DMBT1: variants seen among roughly 807,000 people sequenced by gnomAD.
The protein encoded by DMBT1 is scavenger receptor cysteine-rich domain-containing protein DMBT1.
In DMBT1, 198 loss-of-function variants were observed where a neutral mutation model predicts 252.9. The ratio of observed to expected loss-of-function variants is 0.78; its 90% CI spans 0.70 to 0.88. DMBT1 has a LOEUF of 0.88. Among genes scored for constraint, DMBT1 ranks in the 40% least tolerant of loss-of-function variants. The pLI is 0.00. For synonymous variants in DMBT1, 990 were observed against 942.7 expected (o/e 1.05, Z -0.92); for missense variants, 2,432 against 2,404.7 (o/e 1.01, Z -0.24).
At chr10:122,625,198 G>C (rs1270464903) in intron 44 of DMBT1, 79 bp from the exon 45 acceptor site, 29 of 1,379,770 alleles carry the variant, frequency 2.1e-5, no homozygotes, top group African/African-American at 2.8e-5. Flanking sequence ...GTGATGAGAT[G>C]GGGACAGGCA....
intron 54 of DMBT1, among the ~76,000 whole-genome samples, chr10:122,638,390 A>G (rs941982669): frequency 6.6e-5 from 10 of 152,224 alleles, no homozygotes; most frequent in African/African-American, 2.4e-4. Context: ...GCTGATCATG[A>G]ATAGCACACG....
chr10:122,643,170 C>A lies in DMBT1; in HGVS notation c.7401C>A (p.Arg2467=), dbSNP rs762314712. 8 of 1,613,878 alleles carry A rather than the reference C, an allele frequency of 5.0e-6. No homozygotes were observed. Among genetic ancestry groups the A allele is most frequent in the Non-Finnish European group, 6.8e-6 (8 of 1,179,894 alleles). ...GACCCTACTCCTCGCCATCTCTTCG[C>A]ATTGCCCGCTTCCGGTTCAGGGCCT... ...TYGPYSSPSL[R]IARFRFRAFH... is the part of the protein sequence containing the mutation. Residue 2467 remains arginine, a synonymous_variant, in exon 56 of 56, where the codon CGC becomes CGA. Coordinates refer to ENST00000338354, the MANE Select transcript of DMBT1 (RefSeq NM_001377530.1).
At chr10:122,636,325 T>G in intron 53 of DMBT1, 126 bp downstream of exon 53, 1 of 899,476 alleles carries the variant, frequency 1.1e-6, no homozygotes, top group South Asian at 1.7e-5. Context: ...GGCTTGATTT[T>G]CAGCTGAAAG....
chr10:122,571,123 C>A (rs3824678), intron 4 of DMBT1, among the ~76,000 whole-genome samples, 186 bp downstream of exon 4: 1 of 152,232 alleles, frequency 6.6e-6, no homozygotes, highest in Non-Finnish European at 1.5e-5. Context: ...CACATGAGCA[C>A]GTGTTTGTAC....
intron 25 of DMBT1, 46 bp from the exon 26 acceptor site, chr10:122,598,728 G>C (rs770381186): frequency 1.2e-6 from 2 of 1,611,944 alleles, no homozygotes; most frequent in South Asian, 2.2e-5. Flanking sequence ...TTAGATTCCT[G>C]ACCTCATGAT....
chr10:122,573,022 G>A (rs1473057295), intron 5 of DMBT1, among the ~76,000 whole-genome samples: 2 of 152,200 alleles, frequency 1.3e-5, no homozygotes, highest in South Asian at 2.1e-4. Context: ...GCCAGGATGT[G>A]TGCAGACACC....
In DMBT1 at chr10:122,625,393, C is replaced by T; in HGVS notation, c.5635+90C>T. The T allele has an allele frequency of 2.4e-6, 3 of 1,272,206 alleles. No individual in the cohort carries two copies. The South Asian group carries it at 3.8e-5, about 16-fold the overall frequency. The allele number at this position is 1,272,206 out of a possible 1,614,324, so 78.8% of individuals were successfully genotyped here. A position where few individuals can be genotyped will look rare whatever the true frequency, so the allele number is the denominator to read the frequency against. ...GAAGTAGGAGGAGTAGGGTAGACTC[C>T]CCCTGGGGGGGTAATTTCTCTCTGA... On this transcript the variant is annotated intron_variant, in intron 45 of 55. Coordinates refer to ENST00000338354, the MANE Select transcript of DMBT1 (RefSeq NM_001377530.1).
In DMBT1 at chr10:122,598,823, T is replaced by A; in HGVS notation, c.3006T>A (p.Cys1002Ter). 6.2e-7 allele frequency: 1 copy of A among 1,613,542 alleles called. No individual in the cohort carries two copies. The change falls in exon 26 of 56, where the codon TGT becomes TGA. Residue 1002 changes from cysteine (C) to a stop codon, truncating the protein, a stop_gained. Coordinates refer to ENST00000338354, the MANE Select transcript of DMBT1 (RefSeq NM_001377530.1). LOFTEE classifies it high-confidence loss of function. ...ALRLVNGGDR[C>*]QGRVEVLYQG... ...GGCTGGTGAATGGAGGTGACAGGTG[T>A]CAGGGCCGAGTGGAGGTCCTATACC...
chr10:122,624,272 G>A (rs1465083974), intron 44 of DMBT1, among the ~76,000 whole-genome samples: 1 of 152,182 alleles, frequency 6.6e-6, no homozygotes, highest in East Asian at 1.9e-4. Flanking sequence ...CACTTGAATT[G>A]CTGGTCACTG....
chr10:122,625,649 A>G (rs2098113466), intron 45 of DMBT1, among the ~76,000 whole-genome samples: 1 of 152,238 alleles, frequency 6.6e-6, no homozygotes, highest in Non-Finnish European at 1.5e-5. Flanking sequence ...AAACATAGCC[A>G]AGTAATACTT....
intron 4 of DMBT1, among the ~76,000 whole-genome samples, chr10:122,571,976 G>A (rs1313663602): frequency 6.6e-6 from 1 of 152,228 alleles, no homozygotes; most frequent in African/African-American, 2.4e-5. Context: ...TCATTTGAGG[G>A]TGTGTTTGAG....
Position 122,618,128 on chromosome 10 carries a change from A to C in DMBT1, c.5003A>C (p.Asp1668Ala). Residue 1668 changes from aspartate to alanine, a missense_variant, in exon 41 of 56, where the codon GAC (aspartate) becomes GCC (alanine). Around this residue, in one of 3 missense-constraint regions of DMBT1, gnomAD observed 1,162 missense variants for 1,169.0 expected, o/e 0.99. Transcript: ENST00000338354. The stretch of plus-strand genomic sequence containing the variant: ...GGCACCGTGTGTGATGACTACTGGG[A>C]CACCAATGATGCCAACGTGGTCTGC... ...SWGTVCDDYW[D>A]TNDANVVCRQ... The C allele has an allele frequency of 6.2e-7, 1 of 1,613,910 alleles. No individual in the cohort carries two copies. The highest frequency in any genetic ancestry group is 8.5e-7 in the Non-Finnish European group (1 of 1,179,874).
rs1435275694 is a variant in DMBT1 at position 122,636,042 on chromosome 10, C to T, written c.6600C>T (p.Tyr2200=). ...ATATTGAAGTTTTCGATGGCCCCTA[C>T]CGCAGTTCCCCTCTCATTGCTCGAG... ...YDYIEVFDGP[Y]RSSPLIARVC... The change falls in exon 53 of 56, where the codon TAC becomes TAT. Residue 2200 remains tyrosine, a synonymous_variant. Coordinates refer to ENST00000338354, the MANE Select transcript of DMBT1 (RefSeq NM_001377530.1). 3 of 1,613,894 alleles carry T rather than the reference C, an allele frequency of 1.9e-6. No homozygotes were observed. The East Asian group carries it at 6.7e-5, about 36-fold the overall frequency.
rs146475455 is a variant in DMBT1 at position 122,631,255 on chromosome 10, G to A, written c.6320G>A (p.Arg2107His). 335 of 1,613,960 alleles carry A rather than the reference G, an allele frequency of 2.1e-4. 3 individuals carry two copies. Among genetic ancestry groups the A allele is most frequent in the Middle Eastern group, 1.5e-3 (9 of 6,062 alleles). ...RGWFSHNCNH[R>H]EDAGVICSGN... is the part of the protein sequence containing the mutation. Reference sequence around the variant, plus strand: ...TGGTTCTCCCACAACTGTAATCATCGTGAAGATGCTGGTGTCATCTGCTCA... The same window carrying A: ...TGGTTCTCCCACAACTGTAATCATCATGAAGATGCTGGTGTCATCTGCTCA... Residue 2107 changes from arginine (R) to histidine (H), a missense_variant, in exon 49 of 56, where the codon CGT becomes CAT. Transcript: ENST00000338354.
chr10:122,631,707 C>A, intron 49 of DMBT1, 148 bp from the exon 50 acceptor site: 1 of 768,518 alleles, frequency 1.3e-6, no homozygotes, highest in Non-Finnish European at 2.2e-6. Flanking sequence ...GCTGGGAAGG[C>A]TTCTCAATAG....
intron 4 of DMBT1, 31 bp from the exon 5 acceptor site, chr10:122,572,283 T>C: frequency 6.2e-7 from 1 of 1,612,672 alleles, no homozygotes; most frequent in African/African-American, 1.3e-5. Flanking sequence ...AGGGCTACCA[T>C]CAATGAGCTC....
intron 47 of DMBT1, 46 bp downstream of exon 47, chr10:122,630,039 C>A (rs1278173823): frequency 1.2e-6 from 2 of 1,608,650 alleles, no homozygotes; most frequent in Non-Finnish European, 1.7e-6. Context: ...TCCTCTGCAG[C>A]ACACCCACTG....
chr10:122,560,902 A>G (rs1416911036), intron 1 of DMBT1, 71 bp downstream of exon 1: 18 of 1,170,002 alleles, frequency 1.5e-5, no homozygotes, highest in South Asian at 1.4e-5. Flanking sequence ...TATATCTACT[A>G]CTTTCCATTA....
At chr10:122,575,303 A>G (rs1233025643) in intron 6 of DMBT1, among the ~76,000 whole-genome samples, 2 of 152,208 alleles carry the variant, frequency 1.3e-5, no homozygotes, top group African/African-American at 4.8e-5. Flanking sequence ...ATGTAGGCAC[A>G]TCGGAATCAG....
Sources: allele counts gnomAD v4.1 joint callset (sites outside exome capture counted in the v4.1 genomes callset), GRCh38; gene constraint gnomAD v4.1.1; regional missense constraint gnomAD v4.1.1; transcripts MANE v1.5; gene names NCBI Gene and HGNC (gene_info 2026-07-23, HGNC 2026-07-21).